The following CYRIA variants were observed in gnomAD, a reference collection of about 807,000 sequenced individuals.
CYRIA encodes the protein CYFIP-related Rac1 interactor A.
Under a neutral mutation model 43.9 loss-of-function variants are expected in CYRIA, and 15 were observed. That is an observed-to-expected ratio of 0.34 (90% CI 0.23 to 0.53). The LOEUF (loss-of-function observed/expected upper bound fraction) is 0.53. Among genes scored for constraint, CYRIA ranks in the 20% least tolerant of loss-of-function variants. The probability of loss-of-function intolerance (pLI) is 0.94; values close to 1 mark genes in which losing one functional copy is unlikely to be tolerated. For missense variants in CYRIA, 236 were observed against 394.2 expected (o/e 0.60, Z 3.40); for synonymous variants, 117 against 136.0 (o/e 0.86, Z 0.97).
At chr2:16,563,474 T>C (rs1018143955) in intron 5 of CYRIA, among the ~76,000 whole-genome samples, 1 of 152,216 alleles carries the variant, frequency 6.6e-6, no homozygotes, top group Non-Finnish European at 1.5e-5. Context: ...GATTTTGTCA[T>C]ATTGCTGGTC....
At chr2:16,647,699 T>G (rs1215799251) in intron 1 of CYRIA, among the ~76,000 whole-genome samples, 2 of 152,208 alleles carry the variant, frequency 1.3e-5, no homozygotes, top group Admixed American at 1.3e-4. Flanking sequence ...TCTTGGGCTC[T>G]CCCCACTTTC....
At chr2:16,654,896 C>G (rs909717993) in intron 1 of CYRIA, among the ~76,000 whole-genome samples, 10 of 152,190 alleles carry the variant, frequency 6.6e-5, no homozygotes, top group Non-Finnish European at 8.8e-5. Flanking sequence ...AAAAAAATAA[C>G]TCACATTCAT....
At position 16,629,542 on chromosome 2, in the gene CYRIA, A is replaced by G. The variant is rs149211182; in HGVS notation, c.-166-5523T>C. 2.8e-3 allele frequency among the ~76,000 whole-genome samples: 427 copies of G among 152,292 alleles called. 3 individuals carry two copies. Among genetic ancestry groups the G allele is most frequent in the African/African-American group, 9.9e-3 (412 of 41,578 alleles). Reference sequence around the variant, plus strand: ...GACCGTTTCTGGCGTATGTTTAATCATGGAGCATCATAGGACCTCGAGGCC... The same window carrying G: ...GACCGTTTCTGGCGTATGTTTAATCGTGGAGCATCATAGGACCTCGAGGCC... On this transcript the variant is annotated intron_variant, in intron 1 of 11. Coordinates refer to ENST00000381323, the MANE Select transcript of CYRIA (RefSeq NM_030797.4).
intron 3 of CYRIA, among the ~76,000 whole-genome samples, chr2:16,566,987 G>A (rs749618906): frequency 9.9e-5 from 15 of 152,158 alleles, no homozygotes; most frequent in Non-Finnish European, 2.1e-4. Flanking sequence ...CTAACAGAGG[G>A]TGAAGGCCGA....
At chr2:16,651,280 C>T (rs890024597) in intron 1 of CYRIA, among the ~76,000 whole-genome samples, 1 of 152,232 alleles carries the variant, frequency 6.6e-6, no homozygotes, top group Non-Finnish European at 1.5e-5. Context: ...GAGCAACAAT[C>T]CTGGCCTTTG....
chr2:16,634,371 T>C (rs967875054), intron 1 of CYRIA, among the ~76,000 whole-genome samples: 1 of 152,144 alleles, frequency 6.6e-6, no homozygotes, highest in South Asian at 2.1e-4. Flanking sequence ...CTTTGATGCC[T>C]CCCAAGCATC....
Position 16,552,761 on chromosome 2 carries a change from A to G in CYRIA, c.*175T>C, listed in dbSNP as rs1181357917. The G allele has an allele frequency of 5.7e-6, 3 of 525,426 alleles. No individual in the cohort carries two copies. The East Asian group carries it at 9.3e-5, about 16-fold the overall frequency. The allele number at this position is 525,426 out of a possible 1,614,324, so 32.5% of individuals were successfully genotyped here. A position where few individuals can be genotyped will look rare whatever the true frequency, so the allele number is the denominator to read the frequency against. ...CATCAAAGGTAAGGCTCTCAAGTCA[A>G]TTTATGCTCTGCTGGGTTGAGTCAG... On this transcript the variant is annotated 3_prime_UTR_variant, in exon 12 of 12. Coordinates refer to ENST00000381323, the MANE Select transcript of CYRIA (RefSeq NM_030797.4).
intron 3 of CYRIA, among the ~76,000 whole-genome samples, chr2:16,584,703 G>A (rs891911877): frequency 4.6e-5 from 7 of 152,060 alleles, no homozygotes; most frequent in Admixed American, 3.9e-4. Flanking sequence ...CATCTAAATC[G>A]GACCTCTTGC....
In CYRIA at chr2:16,588,145, C is replaced by CA. The variant is rs778883721; in HGVS notation, c.-10-17dup. 2.2e-5 allele frequency: 34 copies of CA among 1,544,086 alleles called. No individual in the cohort carries two copies. The African/African-American group carries it at 4.0e-4, about 18-fold the overall frequency. On this transcript the variant is annotated splice_polypyrimidine_tract_variant and intron_variant, in intron 2 of 11. Transcript: ENST00000381323. ...CCCAGCAAACCTAGGAAAGGCAACA[C>CA]AAAACCAAATACCATTAGCAACATA...
intron 1 of CYRIA, among the ~76,000 whole-genome samples, chr2:16,652,858 C>T (rs1452741276): frequency 6.6e-6 from 1 of 152,200 alleles, no homozygotes; most frequent in Non-Finnish European, 1.5e-5. Context: ...TTTCTCCTGG[C>T]ACCTTATCCT....
intron 1 of CYRIA, among the ~76,000 whole-genome samples, chr2:16,630,265 G>A (rs1163365880): frequency 6.6e-6 from 1 of 152,118 alleles, no homozygotes; most frequent in African/African-American, 2.4e-5. Flanking sequence ...AACGAAGTGC[G>A]CATTTGGACT....
chr2:16,581,173 A>C (rs1667536847), intron 3 of CYRIA, among the ~76,000 whole-genome samples: 1 of 152,238 alleles, frequency 6.6e-6, no homozygotes, highest in Admixed American at 6.5e-5. Flanking sequence ...TAAGCCTACT[A>C]GGTAAAAATA....
intron 2 of CYRIA, among the ~76,000 whole-genome samples, chr2:16,614,516 C>A (rs527985990): frequency 2.0e-5 from 3 of 152,218 alleles, no homozygotes; most frequent in Non-Finnish European, 4.4e-5. Flanking sequence ...CAGTCCTCTA[C>A]ATTCGAACGC....
At chr2:16,584,339 C>A (rs956020207) in intron 3 of CYRIA, among the ~76,000 whole-genome samples, 1 of 152,152 alleles carries the variant, frequency 6.6e-6, no homozygotes, top group South Asian at 2.1e-4. Context: ...GGATCAGCAT[C>A]TGTTACTGAG....
chr2:16,612,473 C>T (rs1027145189), intron 2 of CYRIA, among the ~76,000 whole-genome samples: 2 of 152,140 alleles, frequency 1.3e-5, no homozygotes, highest in African/African-American at 4.8e-5. Flanking sequence ...AGATCTCATG[C>T]TATGCTTGAA....
chr2:16,611,634 C>T (rs537658647), intron 2 of CYRIA, among the ~76,000 whole-genome samples: 51 of 152,184 alleles, frequency 3.4e-4, no homozygotes, highest in Non-Finnish European at 5.4e-4. Flanking sequence ...CAGAAAGGGG[C>T]TGTAGCTCGA....
Position 16,619,423 on chromosome 2 carries a change from C to A in CYRIA, c.-11+4441G>T, listed in dbSNP as rs138728967. Among the ~76,000 whole-genome samples the A allele has an allele frequency of 2.3e-3, 352 of 152,062 alleles. 1 individual carries two copies. Among genetic ancestry groups the A allele is most frequent in the African/African-American group, 8.3e-3 (343 of 41,454 alleles). On this transcript the variant is annotated intron_variant, in intron 2 of 11. Transcript: ENST00000381323. ...CACACACACATATACATATTCTACCCCAAGAGTTCCACCCCAAGAGTTCCA... is the reference window on the plus strand; with the variant it reads ...CACACACACATATACATATTCTACCACAAGAGTTCCACCCCAAGAGTTCCA...
chr2:16,579,292 A>G (rs1667463715), intron 3 of CYRIA, among the ~76,000 whole-genome samples: 1 of 149,312 alleles, frequency 6.7e-6, no homozygotes, highest in Admixed American at 6.7e-5. Context: ...ACATTAAAAT[A>G]AGTTTTTTAG....
chr2:16,653,239 G>T (rs1670019422), intron 1 of CYRIA, among the ~76,000 whole-genome samples: 1 of 152,210 alleles, frequency 6.6e-6, no homozygotes, highest in Admixed American at 6.5e-5. Flanking sequence ...TGACCCCATG[G>T]CCTGCAACCG....
Sources: allele counts gnomAD v4.1 joint callset (sites outside exome capture counted in the v4.1 genomes callset), GRCh38; gene constraint gnomAD v4.1.1; transcripts MANE v1.5; gene names NCBI Gene and HGNC (gene_info 2026-07-23, HGNC 2026-07-21).